FAAH2: variants seen among roughly 807,000 people sequenced by gnomAD.
FAAH2 encodes the protein fatty acid amide hydrolase 2, also known as fatty-acid amide hydrolase 2.
In FAAH2, 60 loss-of-function variants were observed where a neutral mutation model predicts 36.9. The observed-to-expected ratio is 1.63, with a 90% CI of 1.32 to 2.02. FAAH2 has a LOEUF of 2.02. Ranked by LOEUF, FAAH2 falls within the 30% of genes most tolerant of loss-of-function variation. The pLI is 0.00. For missense variants in FAAH2, 689 were observed against 397.5 expected (o/e 1.73, Z -6.23); for synonymous variants, 214 against 143.8 (o/e 1.49, Z -3.49).
intron 10 of FAAH2, among the ~76,000 whole-genome samples, chrX:57,483,782 T>A: frequency 3.8e-4 from 1 of 2,627 alleles, no homozygotes; most frequent in African/African-American, 5.6e-4. Context: ...GGGCAACTTT[T>A]TTTTTTTTTT....
intron 7 of FAAH2, among the ~76,000 whole-genome samples, chrX:57,411,458 G>A (rs1005431743): frequency 1.3e-4 from 14 of 110,429 alleles, no homozygotes; most frequent in African/African-American, 4.3e-4. Flanking sequence ...CTGCGTGTGG[G>A]GTCCTCAGGT....
intron 5 of FAAH2, among the ~76,000 whole-genome samples, chrX:57,362,014 C>A (rs775613633): frequency 1.3e-4 from 14 of 111,618 alleles, no homozygotes; most frequent in Admixed American, 1.0e-3. Flanking sequence ...TGCTTTCAGA[C>A]TATCAGAGCT....
the FAAH2 span, among the ~76,000 whole-genome samples, chrX:57,256,205 C>A: frequency 1.8e-5 from 2 of 111,373 alleles, no homozygotes; most frequent in Non-Finnish European, 3.8e-5. Flanking sequence ...CCTAGGAATC[C>A]AACTTACAAG....
At chrX:57,303,901 T>G (rs1196934308) in intron 2 of FAAH2, among the ~76,000 whole-genome samples, 1 of 112,134 alleles carries the variant, frequency 8.9e-6, no homozygotes, top group Non-Finnish European at 1.9e-5. Context: ...TCTGTTCCTA[T>G]GACTCAATTA....
the FAAH2 span, among the ~76,000 whole-genome samples, chrX:57,206,408 T>G: frequency 2.7e-5 from 3 of 112,041 alleles, no homozygotes; most frequent in African/African-American, 9.7e-5. Flanking sequence ...GAGCTATAAT[T>G]AAACCAGTGT....
At chrX:57,445,958 G>A (rs1315452859) in intron 8 of FAAH2, among the ~76,000 whole-genome samples, 1 of 112,567 alleles carries the variant, frequency 8.9e-6, no homozygotes, top group African/African-American at 3.2e-5. Context: ...GGCCATGTTA[G>A]TCAGCTAGTG....
Position 57,403,679 on chromosome X carries a change from A to T in FAAH2, c.996+22650A>T, listed in dbSNP as rs192283289. Among the ~76,000 whole-genome samples, 64 of 112,518 alleles carry T rather than the reference A, an allele frequency of 5.7e-4. No individual in the cohort carries two copies. The East Asian group carries it at 9.2e-3, about 16-fold the overall frequency. ...CGCACGTTTGAGCAGACCAATTATT[A>T]GGCAATTTTCTTAACTCTGCTTCTA... On this transcript the variant is annotated intron_variant, in intron 7 of 10. Coordinates refer to ENST00000374900, the MANE Select transcript of FAAH2 (RefSeq NM_174912.4).
At chrX:57,211,034 A>G in the FAAH2 span, among the ~76,000 whole-genome samples, 1 of 112,480 alleles carries the variant, frequency 8.9e-6, no homozygotes, top group Admixed American at 9.4e-5. Context: ...GTGTAAATTT[A>G]TAAAAACATA....
At chrX:57,269,592 A>G in the FAAH2 span, among the ~76,000 whole-genome samples, 2 of 111,924 alleles carry the variant, frequency 1.8e-5, 1 homozygote, top group Non-Finnish European at 3.8e-5. Context: ...CCATATAATT[A>G]TATGGATATT....
intron 7 of FAAH2, among the ~76,000 whole-genome samples, chrX:57,401,803 A>G (rs927514087): frequency 1.8e-5 from 2 of 111,421 alleles, no homozygotes; most frequent in Non-Finnish European, 3.8e-5. Context: ...AGCAGGGGAC[A>G]ACAAATGGGT....
At chrX:57,378,154 CA>C (rs2054736057) in intron 5 of FAAH2, among the ~76,000 whole-genome samples, 1 of 111,914 alleles carries the variant, frequency 8.9e-6, no homozygotes, top group Non-Finnish European at 1.9e-5. Flanking sequence ...ATGGCATAAA[CA>C]AAGTTATAAA....
At chrX:57,250,322 A>T in the FAAH2 span, among the ~76,000 whole-genome samples, 2 of 111,944 alleles carry the variant, frequency 1.8e-5, no homozygotes, top group South Asian at 7.4e-4. Flanking sequence ...TAAGAAAACC[A>T]TATCATTTGT....
chrX:57,252,009 T>A, the FAAH2 span, among the ~76,000 whole-genome samples: 2 of 112,354 alleles, frequency 1.8e-5, no homozygotes, highest in African/African-American at 6.5e-5. Flanking sequence ...AATGCTGTGC[T>A]TTTCCCATGG....
chrX:57,351,699 A>G (rs757558057), intron 5 of FAAH2, among the ~76,000 whole-genome samples: 9 of 109,162 alleles, frequency 8.2e-5, no homozygotes, highest in African/African-American at 3.0e-4. Flanking sequence ...TGAAAACTGT[A>G]TGCTTAGAAT....
At chrX:57,177,602 A>ATATATG in the FAAH2 span, among the ~76,000 whole-genome samples, 2 of 82,953 alleles carry the variant, frequency 2.4e-5, no homozygotes, top group Non-Finnish European at 4.6e-5. Flanking sequence ...ATATATATAT[A>ATATATG]TATATATATA....
intron 10 of FAAH2, among the ~76,000 whole-genome samples, chrX:57,486,421 G>A (rs1316680008): frequency 1.8e-5 from 2 of 111,572 alleles, no homozygotes; most frequent in Admixed American, 1.9e-4. Context: ...CATTACATAA[G>A]GAAGCTGGCT....
chrX:57,365,010 G>A (rs1490319231), intron 5 of FAAH2, among the ~76,000 whole-genome samples: 1 of 111,774 alleles, frequency 8.9e-6, no homozygotes, highest in Non-Finnish European at 1.9e-5. Flanking sequence ...ATACAGATGA[G>A]AAAAACTGTT....
At chrX:57,205,570 A>T in the FAAH2 span, among the ~76,000 whole-genome samples, 1 of 112,340 alleles carries the variant, frequency 8.9e-6, no homozygotes, top group Non-Finnish European at 1.9e-5. Context: ...AAAGCAGTCA[A>T]TACCTCAATT....
At chrX:57,287,860 G>T (rs766934815) in intron 1 of FAAH2, among the ~76,000 whole-genome samples, 1 of 111,082 alleles carries the variant, frequency 9.0e-6, no homozygotes, top group African/African-American at 3.3e-5. Context: ...CAAAGAATAG[G>T]CATGCAGCAA....
Sources: allele counts gnomAD v4.1 joint callset (sites outside exome capture counted in the v4.1 genomes callset), GRCh38; gene constraint gnomAD v4.1.1; transcripts MANE v1.5; gene names NCBI Gene and HGNC (gene_info 2026-07-23, HGNC 2026-07-21).